Variants in KALRN observed in about 807,000 individuals in gnomAD.
KALRN encodes the protein kalirin RhoGEF kinase.
Under a neutral mutation model 353.7 loss-of-function variants are expected in KALRN, and 70 were observed. That is an observed-to-expected ratio of 0.20 (90% CI 0.16 to 0.24). The LOEUF is 0.24. KALRN is among the 10% of genes least tolerant of loss of function. KALRN has a pLI of 1.00. For missense variants in KALRN, 2,791 were observed against 3,756.7 expected, an observed-to-expected ratio of 0.74 and a Z score of 6.72; for synonymous variants, 1,391 against 1,434.8, an observed-to-expected ratio of 0.97 and a Z score of 0.69.
intron 1 of KALRN, among the ~76,000 whole-genome samples, chr3:124,177,270 GGGCAAGACTATTGCTT>G (rs2072916338): frequency 6.6e-6 from 1 of 152,158 alleles, no homozygotes; most frequent in Non-Finnish European, 1.5e-5. Context: ...CAAACACTCC[GGGCAAGACTATTGCTT>G]GGCAAGTGTG....
At chr3:124,679,773 T>C in intron 51 of KALRN, 1 of 538,944 alleles carries the variant, frequency 1.9e-6, no homozygotes, top group Non-Finnish European at 3.4e-6. Context: ...TTTTCTCCTT[T>C]GGCAGGTTTG....
chr3:124,180,368 C>T (rs1052348387), intron 1 of KALRN, among the ~76,000 whole-genome samples: 19 of 152,190 alleles, frequency 1.2e-4, no homozygotes, highest in African/African-American at 4.6e-4. Flanking sequence ...CAGAGTTCCT[C>T]TGCCATGTGC....
intron 47 of KALRN, among the ~76,000 whole-genome samples, chr3:124,670,031 G>A (rs117017930): frequency 0.028 from 4,210 of 149,548 alleles, 80 homozygotes; most frequent in East Asian, 0.08. Flanking sequence ...GTGCAGTGGC[G>A]CAATCTCAGT....
At chr3:124,348,191 G>A (rs1335850206) in intron 10 of KALRN, among the ~76,000 whole-genome samples, 2 of 151,552 alleles carry the variant, frequency 1.3e-5, no homozygotes, top group Non-Finnish European at 3.0e-5. Flanking sequence ...AGAGAGGTGG[G>A]TGCTGCTGAA....
intron 21 of KALRN, among the ~76,000 whole-genome samples, chr3:124,454,351 CCTCAGA>C (rs1183691630): frequency 6.6e-6 from 1 of 152,190 alleles, no homozygotes; most frequent in Non-Finnish European, 1.5e-5. Context: ...CCTCTCTAAG[CCTCAGA>C]TTTTTTTCAT....
At chr3:124,128,872 A>G (rs1248965983) in intron 1 of KALRN, among the ~76,000 whole-genome samples, 1 of 151,904 alleles carries the variant, frequency 6.6e-6, no homozygotes, top group Non-Finnish European at 1.5e-5. Context: ...TGGTCTAAAC[A>G]TTGTGTGCTT....
At chr3:124,108,190 C>G (rs1342167340) in intron 1 of KALRN, among the ~76,000 whole-genome samples, 3 of 152,198 alleles carry the variant, frequency 2.0e-5, no homozygotes, top group Admixed American at 6.5e-5. Flanking sequence ...GTTCCATACT[C>G]TGCCCTGGGG....
chr3:124,479,747 G>A (rs942428477), intron 27 of KALRN, among the ~76,000 whole-genome samples: 12 of 137,566 alleles, frequency 8.7e-5, no homozygotes, highest in Non-Finnish European at 1.2e-4. Context: ...TTTTTGAGAC[G>A]GAGTCTCGCT....
At chr3:124,107,103 A>G (rs1235004972) in intron 1 of KALRN, among the ~76,000 whole-genome samples, 1 of 152,206 alleles carries the variant, frequency 6.6e-6, no homozygotes, top group Non-Finnish European at 1.5e-5. Context: ...GATAGGAGGA[A>G]TAATTGGCAT....
At chr3:124,092,857 G>A (rs551893317) in intron 1 of KALRN, among the ~76,000 whole-genome samples, 1 of 152,318 alleles carries the variant, frequency 6.6e-6, no homozygotes, top group South Asian at 2.1e-4. Context: ...GAACGAAAAA[G>A]TACTGGCCAC....
chr3:124,264,341 A>G (rs2073254883), intron 3 of KALRN, among the ~76,000 whole-genome samples, 157 bp from the exon 4 acceptor site: 1 of 152,192 alleles, frequency 6.6e-6, no homozygotes, highest in South Asian at 2.1e-4. Flanking sequence ...AAGGCAGTAC[A>G]GTTTGAGCTG....
chr3:124,313,896 G>T (rs953174555), intron 6 of KALRN, among the ~76,000 whole-genome samples: 2 of 152,152 alleles, frequency 1.3e-5, no homozygotes, highest in African/African-American at 4.8e-5. Flanking sequence ...GTTCATTTGT[G>T]TTGCTATAAG....
intron 21 of KALRN, among the ~76,000 whole-genome samples, chr3:124,451,177 CA>C (rs1361814243): frequency 1.3e-5 from 2 of 151,094 alleles, no homozygotes; most frequent in Non-Finnish European, 2.9e-5. Flanking sequence ...GTGCTAAAGT[CA>C]AAAGGGCTTT....
In KALRN at chr3:124,326,746, T is replaced by C. The variant is rs991241563; in HGVS notation, c.1284+575T>C. 2.0e-5 allele frequency among the ~76,000 whole-genome samples: 3 copies of C among 152,218 alleles called. No individual in the cohort carries two copies. The South Asian group carries it at 6.2e-4, about 32-fold the overall frequency. On this transcript the variant is annotated intron_variant, in intron 7 of 59. Transcript: ENST00000682506. ...GGCCTGCCTAAGATCCCATGATGTGTTGGAGCCTGTCTTGAACCAGCTCAT... is the reference window on the plus strand; with the variant it reads ...GGCCTGCCTAAGATCCCATGATGTGCTGGAGCCTGTCTTGAACCAGCTCAT...
intron 1 of KALRN, among the ~76,000 whole-genome samples, chr3:124,213,064 A>G (rs2077032709): frequency 6.6e-6 from 1 of 152,128 alleles, no homozygotes; most frequent in South Asian, 2.1e-4. Context: ...AAACAAAACC[A>G]TCAATATTTT....
chr3:124,104,307 G>A (rs2062108375), intron 1 of KALRN, among the ~76,000 whole-genome samples: 1 of 152,338 alleles, frequency 6.6e-6, no homozygotes, highest in South Asian at 2.1e-4. Context: ...AAAGAAGACA[G>A]TCTTCTTGTC....
chr3:124,598,629 C>T (rs1001781968), intron 34 of KALRN, among the ~76,000 whole-genome samples: 1 of 151,716 alleles, frequency 6.6e-6, no homozygotes, highest in African/African-American at 2.4e-5. Context: ...CTCATTCACA[C>T]ACGTTTTGTT....
At chr3:124,672,729 G>A (rs1436688620) in intron 48 of KALRN, among the ~76,000 whole-genome samples, 3 of 152,186 alleles carry the variant, frequency 2.0e-5, no homozygotes, top group African/African-American at 7.2e-5. Context: ...GGAGAGAAAT[G>A]GGAAAAGTGC....
At chr3:124,311,090 TTTG>T (rs1264097958) in intron 6 of KALRN, among the ~76,000 whole-genome samples, 1 of 143,664 alleles carries the variant, frequency 7.0e-6, no homozygotes, top group East Asian at 2.0e-4. Context: ...TTTTTTTTTT[TTTG>T]AGATGGAGTC....
Sources: gnomAD v4.1 joint callset for allele counts (sites outside exome capture counted in the v4.1 genomes callset) on GRCh38, gnomAD v4.1.1 for gene constraint, MANE v1.5 for transcripts, NCBI Gene and HGNC (gene_info 2026-07-23, HGNC 2026-07-21) for gene names.